The following B2M variants were observed in gnomAD, a reference collection of about 807,000 sequenced individuals.
B2M encodes beta chain of MHC class I molecules.
In B2M, 3 loss-of-function variants were observed where a neutral mutation model predicts 14.5. The observed-to-expected ratio is 0.21, with a 90% CI of 0.09 to 0.53. The LOEUF is 0.53. B2M is among the 20% of genes least tolerant of loss of function. The pLI is 0.95. For missense variants in B2M, 107 were observed against 140.8 expected (o/e 0.76, Z 1.21); for synonymous variants, 45 against 52.7 (o/e 0.85, Z 0.64).
intron 1 of B2M, 148 bp from the exon 2 acceptor site, chr15:44,715,274 TG>T: frequency 1.1e-6 from 1 of 898,468 alleles, no homozygotes; most frequent in Non-Finnish European, 1.8e-6. Flanking sequence ...GTTGGGAAGG[TG>T]GAAGCTCATT....
At chr15:44,715,360 C>T in intron 1 of B2M, 63 bp from the exon 2 acceptor site, 1 of 1,556,962 alleles carries the variant, frequency 6.4e-7, no homozygotes, top group Non-Finnish European at 8.8e-7. Flanking sequence ...TAGCTTGACA[C>T]CAAGTTAGCC....
chr15:44,717,640 C>T lies in B2M; in HGVS notation c.*48C>T, dbSNP rs2086958508. 6.6e-6 allele frequency: 1 copy of T among 152,162 alleles called. No homozygotes were observed. Among genetic ancestry groups the T allele is most frequent in the South Asian group, 2.1e-4 (1 of 4,834 alleles). 9.4% of individuals were successfully genotyped at this position (152,162 alleles called of 1,614,324 possible). A position where few individuals can be genotyped will look rare whatever the true frequency, so the allele number is the denominator to read the frequency against. ...ATGCCGCATTTGGATTGGATGAATT[C>T]CAAATTCTGCTTGCTTGCTTTTTAA... On this transcript the variant is annotated 3_prime_UTR_variant, in exon 4 of 4. Transcript: ENST00000648006.
intron 1 of B2M, chr15:44,713,691 G>A (rs917272408): frequency 2.0e-5 from 3 of 152,194 alleles, no homozygotes; most frequent in Admixed American, 6.5e-5. Flanking sequence ...CAGGCAGGAT[G>A]AATCTGTGCT....
At chr15:44,714,774 T>G (rs1243270721) in intron 1 of B2M, 26 of 154,752 alleles carry the variant, frequency 1.7e-4, no homozygotes, top group Admixed American at 1.7e-3. Flanking sequence ...AGAACATACC[T>G]TGGGTTGATC....
In B2M at chr15:44,711,629, C is replaced by G; in HGVS notation, c.67+16C>G. ...GCTATCCAGCGTGAGTCTCTCCTAC[C>G]CTCCCGCTCTGGTCCTTCCTCTCCC... On this transcript the variant is annotated intron_variant, in intron 1 of 3. Coordinates refer to ENST00000648006, the MANE Select transcript of B2M (RefSeq NM_004048.4). The G allele has an allele frequency of 6.2e-7, 1 of 1,610,200 alleles. No homozygotes were observed. Among genetic ancestry groups the G allele is most frequent in the Non-Finnish European group, 8.5e-7 (1 of 1,177,160 alleles).
rs1236928968 is a variant in B2M, at chr15:44,715,525, T to C, written c.170T>C (p.Val57Ala). Residue 57 changes from valine (V) to alanine (A), a missense_variant, in exon 2 of 4, where the codon GTT becomes GCT. Coordinates refer to ENST00000648006, the MANE Select transcript of B2M (RefSeq NM_004048.4). Reference sequence around the variant, plus strand: ...GGGTTTCATCCATCCGACATTGAAGTTGACTTACTGAAGAATGGAGAGAGA... The same window carrying C: ...GGGTTTCATCCATCCGACATTGAAGCTGACTTACTGAAGAATGGAGAGAGA... Reference protein sequence around the residue: ...VSGFHPSDIEVDLLKNGERIE... With the variant: ...VSGFHPSDIEADLLKNGERIE... 2.5e-6 allele frequency: 4 copies of C among 1,614,092 alleles called. No individual in the cohort carries two copies. The highest frequency in any genetic ancestry group is 1.3e-5 in the African/African-American group (1 of 74,926).
In B2M at chr15:44,715,411, G is replaced by A. The variant is rs375970981; in HGVS notation, c.68-12G>A. On this transcript the variant is annotated splice_polypyrimidine_tract_variant and intron_variant, in intron 1 of 3. Transcript: ENST00000648006. ...TGGCAATATTAATGTGTCTTTTCCC[G>A]ATATTCCTCAGGTACTCCAAAGATT... 5.3e-5 allele frequency: 85 copies of A among 1,612,426 alleles called. No homozygotes were observed. Among genetic ancestry groups the A allele is most frequent in the Middle Eastern group, 5.0e-4 (3 of 6,058 alleles).
intron 1 of B2M, 59 bp downstream of exon 1, chr15:44,711,672 G>A (rs1424122671): frequency 6.4e-7 from 1 of 1,555,992 alleles, no homozygotes; most frequent in Non-Finnish European, 8.8e-7. Flanking sequence ...ACCCTCTGTG[G>A]CCCTCGCTGT....
At chr15:44,716,465 C>T (rs1188202115) in intron 3 of B2M, 109 bp downstream of exon 3, 20 of 1,217,810 alleles carry the variant, frequency 1.6e-5, no homozygotes, top group Non-Finnish European at 2.4e-5. Flanking sequence ...GACAGAGTAA[C>T]ATTTTAGCAG....
intron 1 of B2M, chr15:44,714,962 G>A: frequency 8.6e-6 from 2 of 233,758 alleles, no homozygotes; most frequent in South Asian, 5.1e-5. Context: ...TGGAAACAGA[G>A]TACAATAACA....
intron 1 of B2M, chr15:44,713,386 G>A (rs571486143): frequency 8.5e-5 from 13 of 152,266 alleles, no homozygotes; most frequent in African/African-American, 3.1e-4. Flanking sequence ...AGTAATACAT[G>A]CCATGCATAG....
At chr15:44,713,931 T>C (rs1595998686) in intron 1 of B2M, 2 of 152,102 alleles carry the variant, frequency 1.3e-5, no homozygotes, top group East Asian at 1.9e-4. Flanking sequence ...CAAGGAGGAG[T>C]AGCTGCCTTT....
chr15:44,714,942 AT>A, intron 1 of B2M: 1 of 202,798 alleles, frequency 4.9e-6, no homozygotes, highest in East Asian at 1.4e-4. Flanking sequence ...AAGAAAAAAA[AT>A]GGAAGGGGTG....
rs947591142 is a variant in B2M, at chr15:44,715,977, T to C, written c.346+276T>C. 4 of 612,864 alleles carry C rather than the reference T, an allele frequency of 6.5e-6. No homozygotes were observed. In the Admixed American group the frequency reaches 8.6e-5, roughly 13 times the overall value. 38.0% of individuals were successfully genotyped at this position (612,864 alleles called of 1,614,324 possible). ...GCAGCAGCACTTGCACAAATACATA[T>C]ACACTCTTAACACTTCTTACCTACT... On this transcript the variant is annotated intron_variant, in intron 2 of 3. Coordinates refer to ENST00000648006, the MANE Select transcript of B2M (RefSeq NM_004048.4).
At chr15:44,716,887 A>G (rs1352437303) in intron 3 of B2M, 1 of 153,766 alleles carries the variant, frequency 6.5e-6, no homozygotes. Context: ...TAATAGATGT[A>G]ACTACAAGGA....
At chr15:44,714,695 G>T in intron 1 of B2M, 1 of 152,682 alleles carries the variant, frequency 6.5e-6, no homozygotes, top group Non-Finnish European at 1.5e-5. Context: ...TCTCACCACT[G>T]CACACTGCAC....
intron 1 of B2M, among the ~76,000 whole-genome samples, chr15:44,712,369 A>G (rs536194594): frequency 6.6e-6 from 1 of 152,356 alleles, no homozygotes; most frequent in East Asian, 1.9e-4. Context: ...TTTTGAAAAC[A>G]GTTATCTTCC....
intron 1 of B2M, chr15:44,712,161 C>T (rs1330785595): frequency 1.6e-5 from 4 of 243,570 alleles, no homozygotes; most frequent in South Asian, 5.0e-5. Context: ...GTCCTAGCAC[C>T]TCTGGGTCTA....
intron 2 of B2M, 47 bp from the exon 3 acceptor site, chr15:44,716,276 TTAAAAG>T (rs1298207615): frequency 8.3e-6 from 13 of 1,574,622 alleles, no homozygotes; most frequent in African/African-American, 1.4e-5. Context: ...ACATGGTATT[TTAAAAG>T]TAAAACTTAA....
Sources: gnomAD v4.1 joint callset for allele counts (sites outside exome capture counted in the v4.1 genomes callset) on GRCh38, gnomAD v4.1.1 for gene constraint, MANE v1.5 for transcripts, NCBI Gene and HGNC (gene_info 2026-07-23, HGNC 2026-07-21) for gene names.